The following CLMN variants were observed in gnomAD, a reference collection of about 807,000 sequenced individuals.
CLMN encodes the protein calmin (calponin-like, transmembrane).
Under a neutral mutation model 92.7 loss-of-function variants are expected in CLMN, and 57 were observed. That is an observed-to-expected ratio of 0.61 (90% CI 0.50 to 0.77). CLMN has a LOEUF of 0.77. CLMN is among the 30% of genes least tolerant of loss of function. The probability of loss-of-function intolerance (pLI) is 0.00; values close to 1 mark genes in which losing one functional copy is unlikely to be tolerated. For missense variants in CLMN, 1,158 were observed against 1,237.5 expected, an observed-to-expected ratio of 0.94 and a Z score of 0.96; for synonymous variants, 466 against 470.6, an observed-to-expected ratio of 0.99 and a Z score of 0.13.
chr14:95,306,250 G>A (rs561555078), intron 1 of CLMN, among the ~76,000 whole-genome samples: 1 of 152,304 alleles, frequency 6.6e-6, no homozygotes, highest in Non-Finnish European at 1.5e-5. Context: ...GGTGGCTCAT[G>A]CCTGTAATCT....
At chr14:95,230,050 A>C in intron 2 of CLMN, 22 bp downstream of exon 2, 11 of 1,610,966 alleles carry the variant, frequency 6.8e-6, no homozygotes, top group Non-Finnish European at 9.3e-6. Flanking sequence ...ATCACTTAGC[A>C]AACACCCAAG....
In CLMN at chr14:95,223,816, T is replaced by C. The variant is rs1425868071; in HGVS notation, c.184A>G (p.Ile62Val). 1 of 1,613,842 alleles carries C rather than the reference T, an allele frequency of 6.2e-7. No homozygotes were observed. Among genetic ancestry groups the C allele is most frequent in the Non-Finnish European group, 8.5e-7 (1 of 1,179,968 alleles). Residue 62 changes from isoleucine (I) to valine (V), a missense_variant, in exon 3 of 13, where the codon ATA (isoleucine) becomes GTA (valine). Transcript: ENST00000298912. ...PLEVKDLFVD[I>V]QDGKILMALL... ...GCCATTAGGATTTTGCCATCTTGTA[T>C]ATCGACGAATAAATCTTTAACTTCT...
chr14:95,214,490 C>T (rs1438492835), intron 5 of CLMN, among the ~76,000 whole-genome samples: 2 of 151,810 alleles, frequency 1.3e-5, no homozygotes, highest in East Asian at 3.9e-4. Context: ...GCTGGGATTA[C>T]AGGCACACAC....
At chr14:95,206,829 T>A (rs1375451735) in intron 8 of CLMN, among the ~76,000 whole-genome samples, 1 of 152,256 alleles carries the variant, frequency 6.6e-6, no homozygotes, top group Non-Finnish European at 1.5e-5. Context: ...AAATACCGTA[T>A]GTTTTAGTTG....
At chr14:95,213,110 G>A (rs1310892925) in intron 6 of CLMN, 109 bp downstream of exon 6, 2 of 1,188,810 alleles carry the variant, frequency 1.7e-6, no homozygotes, top group African/African-American at 3.1e-5. Flanking sequence ...TCTATATGAA[G>A]CAATGGGCAC....
chr14:95,273,182 CAGAA>C (rs1270184455), intron 1 of CLMN, among the ~76,000 whole-genome samples: 1 of 152,096 alleles, frequency 6.6e-6, no homozygotes, highest in Non-Finnish European at 1.5e-5. Context: ...AAGGACATTC[CAGAA>C]AGAGACACCA....
chr14:95,281,514 G>T (rs1458255252), intron 1 of CLMN, among the ~76,000 whole-genome samples: 1 of 152,160 alleles, frequency 6.6e-6, no homozygotes, highest in Non-Finnish European at 1.5e-5. Context: ...AGTTTTTTCT[G>T]CAATTTAGAC....
Position 95,221,686 on chromosome 14 carries a change from C to G in CLMN, c.324+5G>C. On this transcript the variant is annotated splice_donor_5th_base_variant and intron_variant, in intron 4 of 12. Coordinates refer to ENST00000298912, the MANE Select transcript of CLMN (RefSeq NM_024734.4). ...GTGTTAGCAGGATGAGCTTCAAACA[C>G]TTACATTGCTATCTTCCAAAAACTT... 2.5e-6 allele frequency: 4 copies of G among 1,612,794 alleles called. No individual in the cohort carries two copies. Among genetic ancestry groups the G allele is most frequent in the Non-Finnish European group, 3.4e-6 (4 of 1,178,972 alleles).
intron 1 of CLMN, among the ~76,000 whole-genome samples, chr14:95,233,707 C>T (rs372903534): frequency 6.6e-6 from 1 of 152,198 alleles, no homozygotes; most frequent in Admixed American, 6.5e-5. Flanking sequence ...CTTCAGACCC[C>T]GTGAGGTACT....
At chr14:95,257,668 C>A (rs1899055456) in intron 1 of CLMN, among the ~76,000 whole-genome samples, 2 of 152,078 alleles carry the variant, frequency 1.3e-5, no homozygotes, top group South Asian at 4.1e-4. Flanking sequence ...TGCTCTCACA[C>A]CCCAGCCACG....
intron 1 of CLMN, among the ~76,000 whole-genome samples, chr14:95,318,623 G>C (rs1901900858): frequency 6.6e-6 from 1 of 152,028 alleles, no homozygotes; most frequent in Non-Finnish European, 1.5e-5. Flanking sequence ...CAGCCCCATC[G>C]CCTCTCTGCC....
chr14:95,243,719 A>ATTTTTTT (rs35698997), intron 1 of CLMN, among the ~76,000 whole-genome samples: 31 of 139,480 alleles, frequency 2.2e-4, no homozygotes, highest in African/African-American at 4.6e-4. Context: ...AATCTCCTCT[A>ATTTTTTT]TTTTTTTTTT....
In CLMN at chr14:95,259,406, G is replaced by A. The variant is rs148433356; in HGVS notation, c.83-29273C>T. 2.5e-3 allele frequency among the ~76,000 whole-genome samples: 381 copies of A among 152,240 alleles called. No homozygotes were observed. The highest frequency in any genetic ancestry group is 8.7e-3 in the African/African-American group (361 of 41,512). ...CACCAGAACGGAGAAGGAAATGTGC[G>A]TGGACAAACCTCCGGGTTACCAGAA... On this transcript the variant is annotated intron_variant, in intron 1 of 12. Coordinates refer to ENST00000298912, the MANE Select transcript of CLMN (RefSeq NM_024734.4). The surrounding 1 kb of genome is among the most constrained non-coding windows in gnomAD (Gnocchi z 4.3).
chr14:95,199,458 A>G (rs1896815951), intron 9 of CLMN: 1 of 152,290 alleles, frequency 6.6e-6, no homozygotes, highest in Non-Finnish European at 1.5e-5. Flanking sequence ...CTGGGCTCTG[A>G]TGAGCCAGGG....
intron 1 of CLMN, among the ~76,000 whole-genome samples, chr14:95,281,142 G>A (rs753292412): frequency 6.6e-6 from 1 of 152,172 alleles, no homozygotes; most frequent in Non-Finnish European, 1.5e-5. Context: ...GACAGGCCCA[G>A]GAGCCCCAAA....
chr14:95,292,708 C>A (rs748765047), intron 1 of CLMN, among the ~76,000 whole-genome samples: 2 of 152,218 alleles, frequency 1.3e-5, no homozygotes, highest in East Asian at 1.9e-4. Flanking sequence ...CTTGTGCCCC[C>A]ACTAAAAACA....
Position 95,188,864 on chromosome 14 carries a change from AT to A in CLMN, c.*2699del, listed in dbSNP as rs1896498127. The A allele has an allele frequency of 6.6e-6, 1 of 152,100 alleles. No homozygotes were observed. Among genetic ancestry groups the A allele is most frequent in the Non-Finnish European group, 1.5e-5 (1 of 68,042 alleles). The allele number at this position is 152,100 out of a possible 1,614,324, so 9.4% of individuals were successfully genotyped here. Reference sequence around the variant, plus strand: ...CACCTGTCATTCTATGCTCAGCCACATTTCTGTTAAGGGCAGAATACAGACA... The same window carrying A: ...CACCTGTCATTCTATGCTCAGCCACATTCTGTTAAGGGCAGAATACAGACA... On this transcript the variant is annotated 3_prime_UTR_variant, in exon 13 of 13. Transcript: ENST00000298912.
chr14:95,225,447 C>T (rs1014140490), intron 2 of CLMN, among the ~76,000 whole-genome samples: 1 of 152,224 alleles, frequency 6.6e-6, no homozygotes, highest in Non-Finnish European at 1.5e-5. Flanking sequence ...TGAGATCATG[C>T]AGGTAGGGAG....
At chr14:95,263,521 CA>C (rs1370659093) in intron 1 of CLMN, among the ~76,000 whole-genome samples, 1 of 152,200 alleles carries the variant, frequency 6.6e-6, no homozygotes, top group African/African-American at 2.4e-5. Context: ...ATCCACCTAG[CA>C]AAAGGGTTCC....
Sources: allele counts gnomAD v4.1 joint callset (sites outside exome capture counted in the v4.1 genomes callset), GRCh38; gene constraint gnomAD v4.1.1; non-coding constraint Gnocchi (gnomAD v3.1); transcripts MANE v1.5; gene names NCBI Gene and HGNC (gene_info 2026-07-23, HGNC 2026-07-21).